CNOT2: variants seen among roughly 807,000 people sequenced by gnomAD.
The protein encoded by CNOT2 is CC chemokine receptor 4-negative regulator of transcription 2.
A neutral mutation model predicts 72.1 loss-of-function variants in CNOT2; 7 were observed. The ratio of observed to expected loss-of-function variants is 0.10; its 90% confidence interval spans 0.06 to 0.18. The LOEUF (loss-of-function observed/expected upper bound fraction) is 0.18, where lower values mean the gene tolerates loss of function less well. CNOT2 is among the 10% of genes least tolerant of loss of function. The pLI is 1.00. For missense variants in CNOT2, 345 were observed against 660.3 expected (o/e 0.52, Z 5.23); for synonymous variants, 196 against 225.6 (o/e 0.87, Z 1.17).
chr12:70,354,616 T>G lies in CNOT2; in HGVS notation c.*701T>G, dbSNP rs1883257868. 6.6e-6 allele frequency: 1 copy of G among 152,632 alleles called. No homozygotes were observed. Among genetic ancestry groups the G allele is most frequent in the Non-Finnish European group, 1.5e-5 (1 of 68,050 alleles). 9.5% of individuals were successfully genotyped at this position (152,632 alleles called of 1,614,324 possible). Reference sequence around the variant, plus strand: ...AATGTGTACATTTTTTTTAAATTTTTGGACATCACATGAATAAAGGTATGT... The same window carrying G: ...AATGTGTACATTTTTTTTAAATTTTGGGACATCACATGAATAAAGGTATGT... On this transcript the variant is annotated 3_prime_UTR_variant, in exon 16 of 16. Coordinates refer to ENST00000229195, the MANE Select transcript of CNOT2 (RefSeq NM_014515.7).
intron 2 of CNOT2, among the ~76,000 whole-genome samples, chr12:70,304,197 C>G (rs955258693): frequency 6.6e-6 from 1 of 151,468 alleles, no homozygotes; most frequent in African/African-American, 2.4e-5. Context: ...CTTCTTGTCT[C>G]AACTCATCAA....
At chr12:70,258,014 T>A (rs1054707045) in intron 1 of CNOT2, among the ~76,000 whole-genome samples, 1 of 152,244 alleles carries the variant, frequency 6.6e-6, no homozygotes. Context: ...ATTTCAAAGT[T>A]ATAAACTGAT....
intron 1 of CNOT2, among the ~76,000 whole-genome samples, chr12:70,273,558 A>G (rs1868332180): frequency 6.6e-6 from 1 of 152,174 alleles, no homozygotes; most frequent in African/African-American, 2.4e-5. Flanking sequence ...CAGCAGGAAG[A>G]CTAGAAACAG....
At chr12:70,293,525 C>T (rs972472635) in intron 2 of CNOT2, among the ~76,000 whole-genome samples, 10 of 151,998 alleles carry the variant, frequency 6.6e-5, no homozygotes, top group African/African-American at 2.4e-4. Context: ...AAATTTTTCT[C>T]TTTATTATCT....
chr12:70,353,468 G>A (rs1269517835), intron 15 of CNOT2, among the ~76,000 whole-genome samples: 2 of 151,986 alleles, frequency 1.3e-5, no homozygotes, highest in Non-Finnish European at 1.5e-5. Flanking sequence ...TTTATACTTC[G>A]TTGAAGGGGG....
chr12:70,306,385 G>T (rs1875392658), intron 2 of CNOT2, among the ~76,000 whole-genome samples: 1 of 152,128 alleles, frequency 6.6e-6, no homozygotes, highest in South Asian at 2.1e-4. Context: ...TTGAACTCCT[G>T]ACCTCAAGTG....
intron 7 of CNOT2, among the ~76,000 whole-genome samples, chr12:70,333,061 T>C (rs962351347): frequency 1.3e-5 from 2 of 151,878 alleles, no homozygotes; most frequent in African/African-American, 4.8e-5. Flanking sequence ...TAGTAATTTG[T>C]GTTATAACAT....
chr12:70,352,084 T>C (rs571825331), intron 15 of CNOT2, among the ~76,000 whole-genome samples: 1 of 152,284 alleles, frequency 6.6e-6, no homozygotes, highest in African/African-American at 2.4e-5. Flanking sequence ...GGGGACTGAA[T>C]TCTTTCAGCA....
intron 3 of CNOT2, among the ~76,000 whole-genome samples, chr12:70,316,801 C>T (rs1230244846): frequency 6.6e-6 from 1 of 152,080 alleles, no homozygotes; most frequent in Non-Finnish European, 1.5e-5. Context: ...TGCTTCCCCT[C>T]CCTACTTACT....
chr12:70,329,195 T>A (rs1879554926), intron 4 of CNOT2, among the ~76,000 whole-genome samples: 1 of 151,964 alleles, frequency 6.6e-6, no homozygotes. Context: ...AATTGAAATA[T>A]GAAAAATAGG....
chr12:70,347,438 C>T (rs1489700127), intron 15 of CNOT2, among the ~76,000 whole-genome samples: 1 of 151,902 alleles, frequency 6.6e-6, no homozygotes, highest in African/African-American at 2.4e-5. Flanking sequence ...CAAGACCATC[C>T]TGGGTAACAG....
At chr12:70,243,304 C>T (rs1957656367), upstream of CNOT2, 2 of 152,646 alleles carry the variant, frequency 1.3e-5, no homozygotes, top group Non-Finnish European at 2.9e-5. Flanking sequence ...AGCGGCCTGC[C>T]TACCCACCCC....
chr12:70,255,420 C>T (rs1958390806), intron 1 of CNOT2, among the ~76,000 whole-genome samples: 1 of 152,080 alleles, frequency 6.6e-6, no homozygotes, highest in African/African-American at 2.4e-5. Context: ...TTACGCTGTT[C>T]TTTGTCCCTT....
chr12:70,332,736 G>C, intron 6 of CNOT2, 31 bp from the exon 7 acceptor site: 1 of 1,572,854 alleles, frequency 6.4e-7, no homozygotes, highest in Non-Finnish European at 8.6e-7. Context: ...TGTTCTTACT[G>C]TATATCTAAA....
intron 4 of CNOT2, among the ~76,000 whole-genome samples, chr12:70,325,221 A>G (rs1285782870): frequency 1.3e-5 from 2 of 151,942 alleles, no homozygotes; most frequent in African/African-American, 2.4e-5. Context: ...GTGTGTAAAC[A>G]GAGTAAAATG....
Position 70,335,439 on chromosome 12 carries a change from C to G in CNOT2, c.651C>G (p.Asp217Glu). Residue 217 changes from aspartate to glutamate, a missense_variant and splice_region_variant, in exon 8 of 16, where the codon GAC (aspartate) becomes GAG (glutamate). Asp to Glu is a conservative substitution (Grantham distance 45, BLOSUM62 2). Transcript: ENST00000229195. ...SLSSNIFNGT[D>E]GSENVTGLDL... Reference sequence around the variant, plus strand: ...CCAGTGTCCTTTCTTATTATTTAGACGGAAGTGAAAATGTGACAGGATTGG... The same window carrying G: ...CCAGTGTCCTTTCTTATTATTTAGAGGGAAGTGAAAATGTGACAGGATTGG... The G allele has an allele frequency of 6.3e-7, 1 of 1,596,098 alleles. No homozygotes were observed.
At chr12:70,268,834 A>G (rs1465122122) in intron 1 of CNOT2, among the ~76,000 whole-genome samples, 1 of 152,176 alleles carries the variant, frequency 6.6e-6, no homozygotes, top group African/African-American at 2.4e-5. Flanking sequence ...GTTTCAAGAA[A>G]TGTGGGAGAA....
At chr12:70,257,839 G>A (rs957674169) in intron 1 of CNOT2, among the ~76,000 whole-genome samples, 1 of 152,114 alleles carries the variant, frequency 6.6e-6, no homozygotes, top group Non-Finnish European at 1.5e-5. Flanking sequence ...ATGTAAATAT[G>A]TTGGATGTAT....
chr12:70,352,494 T>C (rs1882990371), intron 15 of CNOT2, among the ~76,000 whole-genome samples: 5 of 152,210 alleles, frequency 3.3e-5, no homozygotes, highest in Admixed American at 3.3e-4. Flanking sequence ...TTGGTCATTA[T>C]AGTCTAGGTT....
Sources: gnomAD v4.1 joint callset for allele counts (sites outside exome capture counted in the v4.1 genomes callset) on GRCh38, gnomAD v4.1.1 for gene constraint, MANE v1.5 for transcripts, NCBI Gene and HGNC (gene_info 2026-07-23, HGNC 2026-07-21) for gene names.